Variants in GAD2 observed in about 807,000 individuals in gnomAD.
The protein encoded by GAD2 is glutamate decarboxylase 2.
A neutral mutation model predicts 80.1 loss-of-function variants in GAD2; 22 were observed. The ratio of observed to expected loss-of-function variants is 0.27; its 90% confidence interval spans 0.20 to 0.39. GAD2 has a LOEUF of 0.39. Ranked by LOEUF, GAD2 falls within the 10% of genes least tolerant of loss-of-function variation. GAD2 has a pLI of 1.00. For synonymous variants in GAD2, 274 were observed against 256.9 expected, an observed-to-expected ratio of 1.07 and a Z score of -0.64; for missense variants, 624 against 738.4, an observed-to-expected ratio of 0.85 and a Z score of 1.80.
intron 7 of GAD2, among the ~76,000 whole-genome samples, chr10:26,239,980 G>C (rs1589141031): frequency 6.6e-6 from 1 of 152,216 alleles, no homozygotes; most frequent in Non-Finnish European, 1.5e-5. Context: ...GCAGAGGCTT[G>C]TCCCTGAAAC....
chr10:26,276,914 G>A (rs531072163), intron 11 of GAD2, among the ~76,000 whole-genome samples: 5 of 152,308 alleles, frequency 3.3e-5, no homozygotes, highest in Non-Finnish European at 7.4e-5. Flanking sequence ...ACAGCACAAC[G>A]CACTGCATGG....
chr10:26,227,637 G>T (rs758816979), intron 6 of GAD2, among the ~76,000 whole-genome samples: 3 of 152,220 alleles, frequency 2.0e-5, no homozygotes, highest in Non-Finnish European at 2.9e-5. Context: ...ATTGTCTGGG[G>T]GAGAGGGTGC....
rs769286336 is a variant in GAD2, at chr10:26,219,136, A to G, written c.380A>G (p.Asp127Gly). ...ILLQYVVKSF[D>G]RSTKVIDFHY... ...CTTCAGTATGTGGTGAAAAGTTTCG[A>G]TAGATCAACCAAAGTGATTGATTTC... is the stretch of plus-strand genomic sequence containing the variant. Residue 127 changes from aspartate to glycine, a missense_variant, in exon 4 of 16, where the codon GAT (aspartate) becomes GGT (glycine). Coordinates refer to ENST00000376261, the MANE Select transcript of GAD2 (RefSeq NM_001134366.2). 4 of 1,613,926 alleles carry G rather than the reference A, an allele frequency of 2.5e-6. No individual in the cohort carries two copies. Among genetic ancestry groups the G allele is most frequent in the Non-Finnish European group, 3.4e-6 (4 of 1,179,952 alleles).
chr10:26,284,587 T>TTTTTTTTG (rs1845308864), intron 12 of GAD2, among the ~76,000 whole-genome samples: 1 of 146,086 alleles, frequency 6.8e-6, no homozygotes, highest in African/African-American at 2.6e-5. Flanking sequence ...TTTTTTTTTT[T>TTTTTTTTG]GAGACGGGGT....
At chr10:26,277,361 T>G (rs1845221667) in intron 11 of GAD2, among the ~76,000 whole-genome samples, 1 of 152,176 alleles carries the variant, frequency 6.6e-6, no homozygotes, top group South Asian at 2.1e-4. Context: ...CGGGGGTTCT[T>G]TCCACGAAAC....
intron 7 of GAD2, among the ~76,000 whole-genome samples, chr10:26,240,534 C>T (rs1453159173): frequency 2.0e-5 from 3 of 151,932 alleles, no homozygotes; most frequent in African/African-American, 7.3e-5. Context: ...GAGTTCGAGA[C>T]CAGCCTGGCC....
chr10:26,261,287 A>T (rs1845006481), intron 8 of GAD2, among the ~76,000 whole-genome samples: 1 of 152,186 alleles, frequency 6.6e-6, no homozygotes, highest in Non-Finnish European at 1.5e-5. Flanking sequence ...TTTCCCCTAG[A>T]AATTTTGTGT....
At chr10:26,245,038 A>T (rs1375732012) in intron 7 of GAD2, among the ~76,000 whole-genome samples, 1 of 151,900 alleles carries the variant, frequency 6.6e-6, no homozygotes, top group Non-Finnish European at 1.5e-5. Flanking sequence ...CTGTAATCCC[A>T]GCTACTTGGG....
intron 7 of GAD2, among the ~76,000 whole-genome samples, chr10:26,231,778 T>G (rs911624118): frequency 6.6e-6 from 1 of 152,184 alleles, no homozygotes; most frequent in Non-Finnish European, 1.5e-5. Flanking sequence ...GTTTCCAGTT[T>G]CTAGAGGCCA....
rs1564654745 is a variant in GAD2 at position 26,219,420 on chromosome 10, T to A, written c.520+144T>A. Reference sequence around the variant, plus strand: ...TTCATCATGTAAAAAATAGTCATTATTAGAATGATTCTAATCCAAAGCACC... The same window carrying A: ...TTCATCATGTAAAAAATAGTCATTAATAGAATGATTCTAATCCAAAGCACC... On this transcript the variant is annotated intron_variant, in intron 4 of 15. Transcript: ENST00000376261. The A allele has an allele frequency of 1.7e-5, 10 of 593,460 alleles. No homozygotes were observed. In the South Asian group the frequency reaches 2.1e-4, roughly 12 times the overall value. The allele number at this position is 593,460 out of a possible 1,614,324, so 36.8% of individuals were successfully genotyped here. A position where few individuals can be genotyped will look rare whatever the true frequency, so the allele number is the denominator to read the frequency against.
rs8190596 is a variant in GAD2 at position 26,218,079 on chromosome 10, C to G, written c.286+88C>G. 1.1e-3 allele frequency: 1,542 copies of G among 1,367,624 alleles called. 10 individuals are homozygous for G. The African/African-American group carries it at 0.02, about 18-fold the overall frequency. 84.7% of individuals were successfully genotyped at this position (1,367,624 alleles called of 1,614,324 possible). On this transcript the variant is annotated intron_variant, in intron 3 of 15. Coordinates refer to ENST00000376261, the MANE Select transcript of GAD2 (RefSeq NM_001134366.2). ...CCGGTGCGGGTCCGGCGCTGAGAGC[C>G]GGACAGGGGCGTCGAGGTGGCAGCG...
At chr10:26,282,253 C>A (rs906734279) in intron 12 of GAD2, among the ~76,000 whole-genome samples, 2 of 152,110 alleles carry the variant, frequency 1.3e-5, no homozygotes, top group Non-Finnish European at 1.5e-5. Context: ...AAATATCTAT[C>A]TTCATTTACT....
At chr10:26,243,024 C>G (rs1182584777) in intron 7 of GAD2, among the ~76,000 whole-genome samples, 1 of 148,410 alleles carries the variant, frequency 6.7e-6, no homozygotes, top group Non-Finnish European at 1.5e-5. Flanking sequence ...GCCCAGGGCT[C>G]TGCCAAATGC....
chr10:26,227,547 C>T (rs1844544095), intron 6 of GAD2, among the ~76,000 whole-genome samples: 1 of 152,182 alleles, frequency 6.6e-6, no homozygotes, highest in Non-Finnish European at 1.5e-5. Flanking sequence ...TCTCCAGCCT[C>T]TTTAAGAACA....
At chr10:26,230,644 A>T (rs1256522131) in intron 7 of GAD2, among the ~76,000 whole-genome samples, 1 of 152,124 alleles carries the variant, frequency 6.6e-6, no homozygotes, top group Non-Finnish European at 1.5e-5. Context: ...AGTGTTGGCT[A>T]GGCTGGTCTC....
In GAD2 at chr10:26,284,228, A is replaced by C. The variant is rs147694287; in HGVS notation, c.1237-2117A>C. 5.7e-3 allele frequency among the ~76,000 whole-genome samples: 861 copies of C among 152,316 alleles called. 4 individuals are homozygous for C. The highest frequency in any genetic ancestry group is 8.5e-3 in the Non-Finnish European group (580 of 68,034). On this transcript the variant is annotated intron_variant, in intron 12 of 15. Coordinates refer to ENST00000376261, the MANE Select transcript of GAD2 (RefSeq NM_001134366.2). ...AGAGTTCCCCAATAAGAGAGTTCTCAGTTTTAAAAAGGCTGGGATATATTG... is the reference window on the plus strand; with the variant it reads ...AGAGTTCCCCAATAAGAGAGTTCTCCGTTTTAAAAAGGCTGGGATATATTG...
intron 8 of GAD2, among the ~76,000 whole-genome samples, chr10:26,264,446 C>T (rs1197298634): frequency 6.6e-6 from 1 of 151,778 alleles, no homozygotes; most frequent in Non-Finnish European, 1.5e-5. Context: ...GTAGCTGGGA[C>T]TACAGGTGCC....
rs539290428 is a variant in GAD2, at chr10:26,217,119, G to A, written c.76+234G>A. Among the ~76,000 whole-genome samples, 18 of 152,158 alleles carry A rather than the reference G, an allele frequency of 1.2e-4. No homozygotes were observed. The highest frequency in any genetic ancestry group is 4.3e-4 in the African/African-American group (18 of 41,518). On this transcript the variant is annotated intron_variant, in intron 1 of 15. Coordinates refer to ENST00000376261, the MANE Select transcript of GAD2 (RefSeq NM_001134366.2). The surrounding 1 kb of genome is among the most constrained non-coding windows in gnomAD (Gnocchi z 4.9). The stretch of plus-strand genomic sequence containing the variant: ...AGGCCCGTTCCACAGAAGGTTGGAA[G>A]AGCCCCCCAAAGACCGCGGTGTCTC...
Position 26,300,894 on chromosome 10 carries a change from C to T in GAD2, c.1691C>T (p.Pro564Leu), listed in dbSNP as rs140328709. ...VNFFRMVISN[P>L]AATHQDIDFL... is the part of the protein sequence containing the mutation. The stretch of plus-strand genomic sequence containing the variant: ...TTCTTCCGCATGGTCATCTCAAACC[C>T]AGCGGCAACTCACCAAGACATTGAC... The change falls in exon 16 of 16, where the codon CCA (proline) becomes CTA (leucine). Residue 564 changes from proline (P) to leucine (L), a missense_variant. By Grantham distance (98) the Pro-to-Leu change is moderately conservative (BLOSUM62 -3). Coordinates refer to ENST00000376261, the MANE Select transcript of GAD2 (RefSeq NM_001134366.2). The T allele has an allele frequency of 5.0e-6, 8 of 1,613,754 alleles. No individual in the cohort carries two copies. The highest frequency in any genetic ancestry group is 5.9e-6 in the Non-Finnish European group (7 of 1,179,822).
Sources: allele counts gnomAD v4.1 joint callset (sites outside exome capture counted in the v4.1 genomes callset), GRCh38; gene constraint gnomAD v4.1.1; non-coding constraint Gnocchi (gnomAD v3.1); transcripts MANE v1.5; gene names NCBI Gene and HGNC (gene_info 2026-07-23, HGNC 2026-07-21).